The following NCKAP5 variants were observed in gnomAD, a reference collection of about 807,000 sequenced individuals.
NCKAP5 encodes the protein NCK associated protein 5.
Under a neutral mutation model 167.0 loss-of-function variants are expected in NCKAP5, and 92 were observed. The observed-to-expected ratio is 0.55, with a 90% CI of 0.47 to 0.66. The LOEUF (loss-of-function observed/expected upper bound fraction) is 0.66. Among genes scored for constraint, NCKAP5 ranks in the 30% least tolerant of loss-of-function variants. The pLI, the probability that NCKAP5 is intolerant of heterozygous loss-of-function variation, is 0.00. For missense variants in NCKAP5, 2,378 were observed against 2,315.0 expected (o/e 1.03, Z -0.56); for synonymous variants, 891 against 877.4 (o/e 1.02, Z -0.27).
chr2:133,332,870 C>T (rs1453647544), intron 3 of NCKAP5, among the ~76,000 whole-genome samples: 3 of 152,220 alleles, frequency 2.0e-5, no homozygotes, highest in Non-Finnish European at 4.4e-5. Context: ...ATACCCAATG[C>T]AGGGTTAGAC....
chr2:133,362,631 T>C (rs370064679), intron 3 of NCKAP5, among the ~76,000 whole-genome samples: 1 of 152,348 alleles, frequency 6.6e-6, no homozygotes, highest in South Asian at 2.1e-4. Context: ...CAATGGTCAC[T>C]AGGAGTTACA....
chr2:132,891,480 G>A (rs548026096), intron 8 of NCKAP5, among the ~76,000 whole-genome samples: 1 of 152,306 alleles, frequency 6.6e-6, no homozygotes, highest in South Asian at 2.1e-4. Context: ...GAACTGGGGG[G>A]TGGTAACCAC....
chr2:132,883,181 G>A (rs1009350150), intron 8 of NCKAP5, among the ~76,000 whole-genome samples: 8 of 146,090 alleles, frequency 5.5e-5, no homozygotes, highest in South Asian at 2.2e-4. Flanking sequence ...CAGCCTGGGC[G>A]ACAAAACCAG....
At chr2:132,988,024 A>G (rs1389472578) in intron 7 of NCKAP5, among the ~76,000 whole-genome samples, 4 of 152,188 alleles carry the variant, frequency 2.6e-5, no homozygotes, top group African/African-American at 9.6e-5. Context: ...AGTAAGTGTT[A>G]GATAGTATTA....
rs575993876 is a variant in NCKAP5 at position 133,251,529 on chromosome 2, T to C, written c.144-37750A>G. 2.6e-4 allele frequency among the ~76,000 whole-genome samples: 40 copies of C among 151,536 alleles called. No homozygotes were observed. The South Asian group carries it at 6.7e-3, about 25-fold the overall frequency. On this transcript the variant is annotated intron_variant, in intron 4 of 19. Transcript: ENST00000409261. ...AGGATGACAACACTAAACACAGCAT[T>C]TAGCACATAGCAGATGCCAAAGTAT...
intron 11 of NCKAP5, among the ~76,000 whole-genome samples, chr2:132,816,397 A>T (rs1686273742): frequency 6.6e-6 from 1 of 152,120 alleles, no homozygotes; most frequent in Non-Finnish European, 1.5e-5. Flanking sequence ...ATGCTGAGTC[A>T]CAGTTGCTTT....
At chr2:133,467,603 A>G (rs1363646334) in intron 3 of NCKAP5, among the ~76,000 whole-genome samples, 1 of 149,766 alleles carries the variant, frequency 6.7e-6, no homozygotes, top group Non-Finnish European at 1.5e-5. Context: ...TCCTCCTTGT[A>G]CCTCTGGTAG....
chr2:133,584,996 G>GGAAGGAAGGAAGGAA, the NCKAP5 span, among the ~76,000 whole-genome samples: 18 of 82,972 alleles, frequency 2.2e-4, no homozygotes, highest in East Asian at 4.3e-3. Flanking sequence ...GAAGGAAGGA[G>GGAAGGAAGGAAGGAA]GGAAAGAAAG....
intron 16 of NCKAP5, among the ~76,000 whole-genome samples, chr2:132,747,835 A>C (rs1679779006): frequency 5.9e-5 from 9 of 152,198 alleles, no homozygotes; most frequent in Admixed American, 5.9e-4. Flanking sequence ...GAGGTCAATA[A>C]CTTGCCCGTA....
intron 6 of NCKAP5, chr2:133,118,407 A>T (rs1490732158): frequency 1.3e-5 from 2 of 152,128 alleles, no homozygotes; most frequent in African/African-American, 4.8e-5. Context: ...GATTTTTTTT[A>T]AATCTCAATA....
chr2:133,395,846 A>G (rs1478565905), intron 3 of NCKAP5, among the ~76,000 whole-genome samples: 2 of 151,818 alleles, frequency 1.3e-5, no homozygotes, highest in African/African-American at 2.4e-5. Context: ...GGTTCCCTCT[A>G]TGTTGCCCAG....
chr2:133,307,824 T>C (rs1354377331), intron 3 of NCKAP5, among the ~76,000 whole-genome samples: 1 of 152,108 alleles, frequency 6.6e-6, no homozygotes, highest in Non-Finnish European at 1.5e-5. Flanking sequence ...TATGCACATA[T>C]GTAATACCTG....
chr2:133,206,575 G>A (rs1421759986), intron 5 of NCKAP5, among the ~76,000 whole-genome samples: 1 of 152,140 alleles, frequency 6.6e-6, no homozygotes, highest in East Asian at 1.9e-4. Flanking sequence ...CAAACTGATT[G>A]CAGAACATGT....
At chr2:133,406,031 T>C (rs1023735057) in intron 3 of NCKAP5, among the ~76,000 whole-genome samples, 7 of 152,218 alleles carry the variant, frequency 4.6e-5, no homozygotes. Flanking sequence ...CCATTGCTTG[T>C]AAAAAGCACT....
At chr2:133,299,303 C>T (rs193063580) in intron 4 of NCKAP5, among the ~76,000 whole-genome samples, 2 of 152,174 alleles carry the variant, frequency 1.3e-5, no homozygotes, top group Middle Eastern at 3.4e-3. Flanking sequence ...TTTACAGTGG[C>T]GCAACAAGAA....
the NCKAP5 span, among the ~76,000 whole-genome samples, chr2:133,615,336 T>C: frequency 6.6e-6 from 1 of 151,268 alleles, no homozygotes; most frequent in Admixed American, 6.6e-5. Flanking sequence ...AATGCTCCAA[T>C]TAAAAGACAC....
chr2:133,163,776 T>C (rs1318490814), intron 5 of NCKAP5, among the ~76,000 whole-genome samples: 1 of 152,192 alleles, frequency 6.6e-6, no homozygotes, highest in Non-Finnish European at 1.5e-5. Context: ...TTCTCAAATA[T>C]CCTCACACTT....
At chr2:133,425,860 T>C (rs904139359) in intron 3 of NCKAP5, among the ~76,000 whole-genome samples, 1 of 152,192 alleles carries the variant, frequency 6.6e-6, no homozygotes, top group African/African-American at 2.4e-5. Flanking sequence ...AAAATAATTA[T>C]GCATGTGGCC....
intron 16 of NCKAP5, among the ~76,000 whole-genome samples, chr2:132,744,985 T>C (rs1679516634): frequency 6.6e-6 from 1 of 151,850 alleles, no homozygotes; most frequent in African/African-American, 2.4e-5. Context: ...TTTCATGAAA[T>C]ATTATAGGCC....
Sources: allele counts gnomAD v4.1 joint callset (sites outside exome capture counted in the v4.1 genomes callset), GRCh38; gene constraint gnomAD v4.1.1; transcripts MANE v1.5; gene names NCBI Gene and HGNC (gene_info 2026-07-23, HGNC 2026-07-21).